The following FREM1 variants were observed in gnomAD, a reference collection of about 807,000 sequenced individuals.
The protein encoded by FREM1 is FRAS1 related extracellular matrix 1.
In FREM1, 220 loss-of-function variants were observed where a neutral mutation model predicts 210.1. The observed-to-expected ratio is 1.05, with a 90% CI of 0.94 to 1.17. The LOEUF is 1.17. Ranked by LOEUF, FREM1 falls within the 50% of genes most tolerant of loss-of-function variation. FREM1 has a pLI of 0.00. For synonymous variants in FREM1, 1,189 were observed against 980.2 expected (o/e 1.21, Z -3.98); for missense variants, 3,454 against 2,675.5 (o/e 1.29, Z -6.42).
chr9:14,747,235 T>G (rs200035180), intron 33 of FREM1, 29 bp downstream of exon 33: 2 of 1,603,530 alleles, frequency 1.2e-6, no homozygotes, highest in East Asian at 4.5e-5. Flanking sequence ...TGTTATAAGG[T>G]GAGTAAGAAG....
intron 1 of FREM1, among the ~76,000 whole-genome samples, chr9:14,908,535 G>A (rs142554194): frequency 2.0e-5 from 3 of 151,812 alleles, no homozygotes; most frequent in African/African-American, 7.3e-5. Context: ...AAAAGGCAGA[G>A]ATGAAAAGGG....
At chr9:14,784,676 A>T in intron 23 of FREM1, 42 bp from the exon 24 acceptor site, 1 of 1,423,970 alleles carries the variant, frequency 7.0e-7, no homozygotes, top group Non-Finnish European at 9.3e-7. Context: ...CATATCAAAA[A>T]ACACATTATG....
intron 15 of FREM1, among the ~76,000 whole-genome samples, chr9:14,815,140 C>T (rs1476567999): frequency 2.0e-5 from 3 of 152,246 alleles, no homozygotes; most frequent in East Asian, 3.9e-4. Flanking sequence ...TAGAGAGGTG[C>T]ACAGGAACTA....
At chr9:14,780,351 C>G (rs2132755140) in intron 24 of FREM1, among the ~76,000 whole-genome samples, 1 of 144,228 alleles carries the variant, frequency 6.9e-6, no homozygotes, top group African/African-American at 2.6e-5. Flanking sequence ...CATTGCCTGG[C>G]AATAGAGTTG....
At position 14,737,407 on chromosome 9, in the gene FREM1, T is replaced by G. The variant is rs1401414821; in HGVS notation, c.6529A>C (p.Arg2177=). 1 of 1,613,588 alleles carries G rather than the reference T, an allele frequency of 6.2e-7. No homozygotes were observed. Among genetic ancestry groups the G allele is most frequent in the South Asian group, 1.1e-5 (1 of 91,020 alleles). ...RAKPHNYVCS[R]KL is the part of the protein sequence containing the mutation. The stretch of plus-strand genomic sequence containing the variant: ...AGGGTCTGTTATATTTAGAGTTTTC[T>G]GGAACACACATAATTATGAGGTTTG... Residue 2177 remains arginine (R), a synonymous_variant, in exon 37 of 37, where the codon AGA becomes CGA. Coordinates refer to ENST00000380880, the MANE Select transcript of FREM1 (RefSeq NM_001379081.2).
chr9:14,893,927 T>C lies in FREM1; in HGVS notation c.-268+15987A>G, dbSNP rs543028264. ...AATCAGTTTTTCTATAAATTGAACATTGAAATAAAAGCACAACAGGTTTTT... is the reference window on the plus strand; with the variant it reads ...AATCAGTTTTTCTATAAATTGAACACTGAAATAAAAGCACAACAGGTTTTT... On this transcript the variant is annotated intron_variant, in intron 1 of 36. Transcript: ENST00000380880. Among the ~76,000 whole-genome samples, 12 of 152,320 alleles carry C rather than the reference T, an allele frequency of 7.9e-5. No homozygotes were observed. In the East Asian group the frequency reaches 1.3e-3, roughly 17 times the overall value.
chr9:14,793,119 A>G (rs1332863473), intron 21 of FREM1, among the ~76,000 whole-genome samples: 2 of 152,226 alleles, frequency 1.3e-5, no homozygotes, highest in East Asian at 1.9e-4. Flanking sequence ...GTAATTAGGC[A>G]CTTCTAATTG....
At chr9:14,871,107 A>G (rs1832590591) in intron 1 of FREM1, among the ~76,000 whole-genome samples, 1 of 152,132 alleles carries the variant, frequency 6.6e-6, no homozygotes, top group Non-Finnish European at 1.5e-5. Context: ...TGGAGCTGCA[A>G]TAAACATACG....
At position 14,776,047 on chromosome 9, in the gene FREM1, G is replaced by A. The variant is rs540319616; in HGVS notation, c.4599C>T (p.Thr1533=). The change falls in exon 25 of 37, where the codon ACC becomes ACT. Residue 1533 remains threonine, a synonymous_variant. Coordinates refer to ENST00000380880, the MANE Select transcript of FREM1 (RefSeq NM_001379081.2). ...GGTTCTCCGCAGGTGTATCAGGGTC[G>A]GTCAGCTGAAGGAGGTCAGGGGAAA... is the stretch of plus-strand genomic sequence containing the variant. ...GLLSPDLLQL[T]DPDTPAENLT... 1.0e-4 allele frequency: 163 copies of A among 1,613,954 alleles called. No individual in the cohort carries two copies. In the South Asian group the frequency reaches 1.7e-3, roughly 17 times the overall value.
At chr9:14,828,749 A>G (rs1460501022) in intron 10 of FREM1, among the ~76,000 whole-genome samples, 1 of 152,060 alleles carries the variant, frequency 6.6e-6, no homozygotes, top group East Asian at 1.9e-4. Flanking sequence ...GTTATAGCAG[A>G]TTAAACAAAC....
At chr9:14,896,276 T>G (rs1837697082) in intron 1 of FREM1, among the ~76,000 whole-genome samples, 1 of 152,172 alleles carries the variant, frequency 6.6e-6, no homozygotes, top group South Asian at 2.1e-4. Flanking sequence ...CTGGGCCCCG[T>G]GGCTCATGCC....
intron 23 of FREM1, among the ~76,000 whole-genome samples, chr9:14,785,475 T>A (rs959683751): frequency 6.6e-6 from 1 of 152,224 alleles, no homozygotes; most frequent in East Asian, 1.9e-4. Flanking sequence ...TTTAAATGTA[T>A]ATTTATACAA....
At chr9:14,790,648 T>C (rs978733961) in intron 22 of FREM1, 4 of 151,868 alleles carry the variant, frequency 2.6e-5, no homozygotes, top group African/African-American at 9.7e-5. Flanking sequence ...AGAAAGAAAA[T>C]AAAAGTCAGA....
intron 1 of FREM1, among the ~76,000 whole-genome samples, chr9:14,886,896 A>C (rs1307834143): frequency 9.7e-5 from 2 of 20,528 alleles, no homozygotes; most frequent in Admixed American, 1.2e-3. Context: ...ACCTTGTTTC[A>C]AAAAAAAAAA....
intron 1 of FREM1, among the ~76,000 whole-genome samples, chr9:14,900,911 C>G (rs1417110605): frequency 6.6e-6 from 1 of 152,080 alleles, no homozygotes; most frequent in Non-Finnish European, 1.5e-5. Context: ...TAGTTTTTTC[C>G]TATGTTGAGA....
At chr9:14,740,673 G>A (rs1841406778) in intron 35 of FREM1, among the ~76,000 whole-genome samples, 1 of 152,088 alleles carries the variant, frequency 6.6e-6, no homozygotes, top group Admixed American at 6.6e-5. Flanking sequence ...AATTACTTCA[G>A]GTTTAAATTT....
chr9:14,803,332 A>C (rs60562259), intron 19 of FREM1, among the ~76,000 whole-genome samples: 7,638 of 36,012 alleles, frequency 0.21, 400 homozygotes, highest in African/African-American at 0.3. Flanking sequence ...CCCCTCCCCT[A>C]CCCTCCTCCT....
intron 1 of FREM1, among the ~76,000 whole-genome samples, chr9:14,892,032 T>C (rs1336061474): frequency 6.6e-6 from 1 of 152,206 alleles, no homozygotes; most frequent in Admixed American, 6.5e-5. Context: ...CTTTACTCTA[T>C]GGACTCACCC....
intron 22 of FREM1, among the ~76,000 whole-genome samples, chr9:14,790,294 T>C (rs1312416891): frequency 6.6e-6 from 1 of 152,190 alleles, no homozygotes; most frequent in East Asian, 1.9e-4. Flanking sequence ...TATGTCATTC[T>C]ACTTGATAAC....
Sources: gnomAD v4.1 joint callset for allele counts (sites outside exome capture counted in the v4.1 genomes callset) on GRCh38, gnomAD v4.1.1 for gene constraint, MANE v1.5 for transcripts, NCBI Gene and HGNC (gene_info 2026-07-23, HGNC 2026-07-21) for gene names.